The following CSNK1G1 variants were observed in gnomAD, a reference collection of about 807,000 sequenced individuals.
CSNK1G1 encodes casein kinase 1 gamma 1.
Under a neutral mutation model 59.6 loss-of-function variants are expected in CSNK1G1, and 22 were observed. The observed-to-expected ratio is 0.37, with a 90% CI of 0.26 to 0.53. The LOEUF (loss-of-function observed/expected upper bound fraction) is 0.53. Among genes scored for constraint, CSNK1G1 ranks in the 20% least tolerant of loss-of-function variants. The probability of loss-of-function intolerance (pLI) is 0.89; values close to 1 mark genes in which losing one functional copy is unlikely to be tolerated. For synonymous variants in CSNK1G1, 179 were observed against 177.1 expected (o/e 1.01, Z -0.08); for missense variants, 384 against 519.5 (o/e 0.74, Z 2.54).
chr15:64,204,392 G>C, intron 9 of CSNK1G1, 49 bp downstream of exon 9: 1 of 1,466,492 alleles, frequency 6.8e-7, no homozygotes, highest in East Asian at 2.3e-5. Flanking sequence ...GTGCTGGTTG[G>C]AGAAAGGAGG....
At chr15:64,229,000 CAG>C (rs2082501709) in intron 4 of CSNK1G1, among the ~76,000 whole-genome samples, 1 of 114,496 alleles carries the variant, frequency 8.7e-6, no homozygotes, top group Non-Finnish European at 1.6e-5. Flanking sequence ...GCCTGGGCGA[CAG>C]AGTGAGACTC....
chr15:64,206,198 T>G (rs1209977680), intron 7 of CSNK1G1, among the ~76,000 whole-genome samples: 2 of 152,020 alleles, frequency 1.3e-5, no homozygotes, highest in African/African-American at 4.8e-5. Context: ...TCCCAGCACT[T>G]TGGGAGGCCG....
At chr15:64,215,329 C>T (rs1231526811) in intron 5 of CSNK1G1, among the ~76,000 whole-genome samples, 1 of 150,926 alleles carries the variant, frequency 6.6e-6, no homozygotes, top group Admixed American at 6.6e-5. Flanking sequence ...TCTCCTGCCT[C>T]AGCCTCCTGA....
At position 64,200,132 on chromosome 15, in the gene CSNK1G1, C is replaced by T. The variant is rs2140242549; in HGVS notation, c.1107+2950G>A. Among the ~76,000 whole-genome samples the T allele has an allele frequency of 6.6e-6, 1 of 151,862 alleles. No individual in the cohort carries two copies. The highest frequency in any genetic ancestry group is 2.4e-5 in the African/African-American group (1 of 41,456). On this transcript the variant is annotated intron_variant, in intron 10 of 11. Transcript: ENST00000303052. This position sits in a 1 kb window ranked among gnomAD's most constrained non-coding sequence, Gnocchi z 4.3. ...TGGTGGCAGGCACCTGTAATCCCAG[C>T]TTCTCAGGAAGCTGAGGCAGAAGAA...
chr15:64,294,997 C>T (rs1031954955), intron 2 of CSNK1G1, among the ~76,000 whole-genome samples: 2 of 151,020 alleles, frequency 1.3e-5, no homozygotes, highest in Non-Finnish European at 2.9e-5. Context: ...TTTGGGAGGC[C>T]GAGGTGGGTA....
intron 2 of CSNK1G1, among the ~76,000 whole-genome samples, chr15:64,278,914 T>C (rs1398638679): frequency 6.6e-6 from 1 of 152,212 alleles, no homozygotes; most frequent in African/African-American, 2.4e-5. Flanking sequence ...TTTTTTTAAG[T>C]CTTGCTTTAC....
chr15:64,180,265 G>A, intron 11 of CSNK1G1, 83 bp downstream of exon 11: 3 of 1,010,572 alleles, frequency 3.0e-6, no homozygotes, highest in Non-Finnish European at 4.7e-6. Context: ...AATCCAGTCT[G>A]AGACGAGCAG....
chr15:64,222,550 G>A (rs2082405003), intron 4 of CSNK1G1, among the ~76,000 whole-genome samples: 1 of 149,730 alleles, frequency 6.7e-6, no homozygotes, highest in Non-Finnish European at 1.5e-5. Context: ...TCTTTGTAAA[G>A]CCACAGAACT....
At chr15:64,181,466 A>G (rs1193279945) in intron 10 of CSNK1G1, 11 of 1,479,780 alleles carry the variant, frequency 7.4e-6, no homozygotes, top group Non-Finnish European at 9.8e-6. Context: ...TAGGATAAAC[A>G]ATTTGGATAT....
chr15:64,242,089 A>T (rs1260359295), intron 4 of CSNK1G1, among the ~76,000 whole-genome samples: 1 of 152,106 alleles, frequency 6.6e-6, no homozygotes, highest in African/African-American at 2.4e-5. Context: ...ATATGCTAAC[A>T]AACTGAAAAA....
intron 4 of CSNK1G1, among the ~76,000 whole-genome samples, chr15:64,233,200 A>G (rs1367106194): frequency 1.3e-5 from 2 of 152,214 alleles, no homozygotes; most frequent in African/African-American, 4.8e-5. Flanking sequence ...AAAAGGTGTC[A>G]GTACTTTGTG....
chr15:64,290,870 T>C (rs1894700890), intron 2 of CSNK1G1, among the ~76,000 whole-genome samples: 1 of 152,124 alleles, frequency 6.6e-6, no homozygotes, highest in African/African-American at 2.4e-5. Flanking sequence ...CCCACAACCA[T>C]GCCTGGCTAA....
chr15:64,341,522 G>A (rs1040563171), intron 1 of CSNK1G1, among the ~76,000 whole-genome samples: 2 of 152,190 alleles, frequency 1.3e-5, no homozygotes, highest in African/African-American at 2.4e-5. Flanking sequence ...ACTCAGGCTG[G>A]AGTGTAGTGG....
intron 1 of CSNK1G1, among the ~76,000 whole-genome samples, chr15:64,301,105 C>T (rs184260099): frequency 3.3e-5 from 5 of 152,230 alleles, no homozygotes; most frequent in East Asian, 1.9e-4. Flanking sequence ...CTTTTAATTT[C>T]GCCAAAACTT....
chr15:64,239,241 A>G (rs1477021825), intron 4 of CSNK1G1, among the ~76,000 whole-genome samples: 1 of 152,258 alleles, frequency 6.6e-6, no homozygotes, highest in Non-Finnish European at 1.5e-5. Flanking sequence ...AACATGAAAA[A>G]GCAAGAAAAT....
intron 6 of CSNK1G1, among the ~76,000 whole-genome samples, chr15:64,209,311 T>C (rs1341630586): frequency 1.3e-5 from 2 of 152,100 alleles, no homozygotes; most frequent in African/African-American, 4.8e-5. Context: ...GTACAGAAAG[T>C]AAAACCCAAG....
intron 2 of CSNK1G1, among the ~76,000 whole-genome samples, chr15:64,289,491 AACTACGAT>A (rs1894617267): frequency 6.6e-6 from 1 of 152,332 alleles, no homozygotes; most frequent in South Asian, 2.1e-4. Flanking sequence ...AAGAAATTTA[AACTACGAT>A]ACTACTACAA....
intron 1 of CSNK1G1, among the ~76,000 whole-genome samples, chr15:64,324,532 A>G (rs1896739639): frequency 6.6e-6 from 1 of 152,220 alleles, no homozygotes; most frequent in Non-Finnish European, 1.5e-5. Flanking sequence ...GACTTACACC[A>G]GTGGTTTGCC....
chr15:64,321,931 G>C (rs1305676831), intron 1 of CSNK1G1, among the ~76,000 whole-genome samples: 1 of 152,232 alleles, frequency 6.6e-6, no homozygotes, highest in African/African-American at 2.4e-5. Context: ...ACAGAAGGCA[G>C]TAACAAACCT....
Sources: gnomAD v4.1 joint callset for allele counts (sites outside exome capture counted in the v4.1 genomes callset) on GRCh38, gnomAD v4.1.1 for gene constraint, Gnocchi (gnomAD v3.1) non-coding constraint, MANE v1.5 for transcripts, NCBI Gene and HGNC (gene_info 2026-07-23, HGNC 2026-07-21) for gene names.